HS3ST4: variants seen among roughly 807,000 people sequenced by gnomAD.
HS3ST4 encodes heparan sulfate glucosamine 3-O-sulfotransferase 4.
HS3ST4 carries 17 observed loss-of-function variants against 29.2 expected under a neutral mutation model. The observed-to-expected ratio is 0.58, with a 90% CI of 0.40 to 0.87. HS3ST4 has a LOEUF of 0.87. Ranked by LOEUF, HS3ST4 falls within the 40% of genes least tolerant of loss-of-function variation. HS3ST4 has a pLI of 0.00. For missense variants in HS3ST4, 627 were observed against 634.5 expected (o/e 0.99, Z 0.13); for synonymous variants, 314 against 285.7 (o/e 1.10, Z -1.00).
chr16:25,968,921 G>A (rs1265676776), intron 1 of HS3ST4, among the ~76,000 whole-genome samples: 1 of 152,170 alleles, frequency 6.6e-6, no homozygotes. Flanking sequence ...CCGGGTTCAA[G>A]CAATTCTCCT....
intron 1 of HS3ST4, among the ~76,000 whole-genome samples, chr16:25,998,832 C>A (rs1969178898): frequency 6.6e-6 from 1 of 152,098 alleles, no homozygotes; most frequent in African/African-American, 2.4e-5. Context: ...AGCAAAATGT[C>A]CCTGTTAAAG....
At chr16:25,954,977 T>G (rs1968715229) in intron 1 of HS3ST4, among the ~76,000 whole-genome samples, 1 of 152,064 alleles carries the variant, frequency 6.6e-6, no homozygotes, top group African/African-American at 2.4e-5. Context: ...AAGAGCTGAG[T>G]TAGAGGCTTG....
intron 1 of HS3ST4, among the ~76,000 whole-genome samples, chr16:25,737,399 T>A (rs1262856207): frequency 6.6e-6 from 1 of 152,038 alleles, no homozygotes; most frequent in African/African-American, 2.4e-5. Context: ...CTCAGTGGAA[T>A]ACTATTCAGC....
intron 1 of HS3ST4, among the ~76,000 whole-genome samples, chr16:25,918,448 C>A (rs1968314107): frequency 6.6e-6 from 1 of 152,172 alleles, no homozygotes; most frequent in African/African-American, 2.4e-5. Context: ...GGGGAGGTAG[C>A]ACTACATGGT....
intron 1 of HS3ST4, among the ~76,000 whole-genome samples, chr16:26,015,511 A>T (rs994566059): frequency 6.6e-6 from 1 of 152,190 alleles, no homozygotes; most frequent in Admixed American, 6.5e-5. Flanking sequence ...ATTGGAGTCA[A>T]TAACTTAATC....
At chr16:26,125,199 T>C (rs1052644709) in intron 1 of HS3ST4, among the ~76,000 whole-genome samples, 7 of 152,224 alleles carry the variant, frequency 4.6e-5, no homozygotes, top group African/African-American at 1.7e-4. Flanking sequence ...CAGAAATTCG[T>C]CAGTATTATT....
chr16:25,809,175 A>T (rs1459009193), intron 1 of HS3ST4, among the ~76,000 whole-genome samples: 1 of 152,114 alleles, frequency 6.6e-6, no homozygotes, highest in East Asian at 1.9e-4. Flanking sequence ...TGTTTCTGAT[A>T]TTAGTGAGAA....
intron 1 of HS3ST4, among the ~76,000 whole-genome samples, chr16:25,891,130 G>A (rs961294578): frequency 1.2e-4 from 19 of 152,194 alleles, no homozygotes; most frequent in Non-Finnish European, 2.4e-4. Flanking sequence ...CCAATAAGAA[G>A]TGATGGGGTA....
intron 1 of HS3ST4, among the ~76,000 whole-genome samples, chr16:26,105,855 G>T (rs2141799629): frequency 6.6e-6 from 1 of 152,296 alleles, no homozygotes; most frequent in South Asian, 2.1e-4. Context: ...ATATCGAATT[G>T]CCTCTGTTTC....
intron 1 of HS3ST4, among the ~76,000 whole-genome samples, chr16:26,040,783 A>G (rs1969630719): frequency 1.3e-5 from 2 of 152,122 alleles, no homozygotes; most frequent in African/African-American, 4.8e-5. Flanking sequence ...TGTCACTGTC[A>G]TCTTCATCAT....
intron 1 of HS3ST4, among the ~76,000 whole-genome samples, chr16:25,823,877 T>G (rs1410147944): frequency 6.6e-6 from 1 of 152,234 alleles, no homozygotes; most frequent in Non-Finnish European, 1.5e-5. Flanking sequence ...GGCCACTGTT[T>G]TTTTATATAT....
chr16:25,779,964 C>T (rs922706179), intron 1 of HS3ST4, among the ~76,000 whole-genome samples: 3 of 152,282 alleles, frequency 2.0e-5, no homozygotes, highest in South Asian at 2.1e-4. Flanking sequence ...GATTTCATTC[C>T]GAGGTCCCCA....
chr16:25,838,561 G>A (rs903354866), intron 1 of HS3ST4, among the ~76,000 whole-genome samples: 1 of 152,116 alleles, frequency 6.6e-6, no homozygotes, highest in African/African-American at 2.4e-5. Flanking sequence ...ATTTACCCTG[G>A]AGTCTTTGGA....
At chr16:25,856,141 T>C (rs1567256490) in intron 1 of HS3ST4, among the ~76,000 whole-genome samples, 1 of 152,130 alleles carries the variant, frequency 6.6e-6, no homozygotes, top group African/African-American at 2.4e-5. Context: ...TAAAGCTGAC[T>C]AAATTGTGGT....
intron 1 of HS3ST4, among the ~76,000 whole-genome samples, chr16:25,730,593 CTTCCTTCCTTCTTTCCTTCTCTT>C (rs1966564668): frequency 7.4e-6 from 1 of 135,300 alleles, no homozygotes; most frequent in Admixed American, 8.0e-5. Context: ...CTTCTCCTTC[CTTCCTTCCTTCTTTCCTTCTCTT>C]TTCCTTCCTT....
At chr16:25,716,176 A>G (rs1342562504) in intron 1 of HS3ST4, among the ~76,000 whole-genome samples, 1 of 152,206 alleles carries the variant, frequency 6.6e-6, no homozygotes, top group African/African-American at 2.4e-5. Context: ...TTCTTTTCCC[A>G]TATAATCTTT....
At chr16:25,870,166 G>T (rs1286265437) in intron 1 of HS3ST4, among the ~76,000 whole-genome samples, 1 of 151,362 alleles carries the variant, frequency 6.6e-6, no homozygotes, top group Non-Finnish European at 1.5e-5. Flanking sequence ...TCCATCATTT[G>T]CCCATCCATC....
At chr16:25,797,706 A>C (rs1966894911) in intron 1 of HS3ST4, among the ~76,000 whole-genome samples, 2 of 152,240 alleles carry the variant, frequency 1.3e-5, no homozygotes, top group African/African-American at 4.8e-5. Context: ...TTTACAAAGC[A>C]GGTACTTGCA....
At chr16:25,943,616 C>T (rs555301192) in intron 1 of HS3ST4, among the ~76,000 whole-genome samples, 1 of 152,254 alleles carries the variant, frequency 6.6e-6, no homozygotes, top group African/African-American at 2.4e-5. Context: ...TTGTAAAGTA[C>T]TCACAGTCAG....
Sources: gnomAD v4.1 joint callset for allele counts (sites outside exome capture counted in the v4.1 genomes callset) on GRCh38, gnomAD v4.1.1 for gene constraint, MANE v1.5 for transcripts, NCBI Gene and HGNC (gene_info 2026-07-23, HGNC 2026-07-21) for gene names.